Variants in GLDC observed in about 807,000 individuals in gnomAD.
GLDC encodes glycine dehydrogenase (decarboxylating), mitochondrial.
In GLDC, 104 loss-of-function variants were observed where a neutral mutation model predicts 121.3. The observed-to-expected ratio is 0.86, with a 90% CI of 0.73 to 1.01. GLDC has a LOEUF of 1.01. Ranked by LOEUF, GLDC falls within the 50% of genes least tolerant of loss-of-function variation. GLDC has a pLI of 0.00. For missense variants in GLDC, 1,429 were observed against 1,306.6 expected, an observed-to-expected ratio of 1.09 and a Z score of -1.44; for synonymous variants, 546 against 480.6, an observed-to-expected ratio of 1.14 and a Z score of -1.78.
Position 6,639,303 on chromosome 9 carries a change from C to A in GLDC, c.334+5311G>T. 9.7e-6 allele frequency: 9 copies of A among 926,968 alleles called. No individual in the cohort carries two copies. In the South Asian group the frequency reaches 1.2e-4, roughly 12 times the overall value. 57.4% of individuals were successfully genotyped at this position (926,968 alleles called of 1,614,324 possible). On this transcript the variant is annotated intron_variant, in intron 2 of 24. Transcript: ENST00000321612. ...TCCGGCGGTCCAAGACCCTGCGACT[C>A]CAGAGACAGCCCAAATATCCTCGGA...
At chr9:6,632,736 C>G (rs1418007053) in intron 2 of GLDC, among the ~76,000 whole-genome samples, 1 of 152,212 alleles carries the variant, frequency 6.6e-6, no homozygotes, top group East Asian at 1.9e-4. Context: ...AGCTTGCAGG[C>G]AGAATGTGGG....
chr9:6,604,439 C>T, intron 7 of GLDC, 149 bp downstream of exon 7: 2 of 788,094 alleles, frequency 2.5e-6, no homozygotes, highest in Non-Finnish European at 2.1e-6. Flanking sequence ...ATATCCCAAA[C>T]AGAATTGTTC....
At chr9:6,549,482 T>G (rs1817465016) in intron 21 of GLDC, among the ~76,000 whole-genome samples, 1 of 152,172 alleles carries the variant, frequency 6.6e-6, no homozygotes, top group Non-Finnish European at 1.5e-5. Context: ...GTTCTAAAGC[T>G]GCCTCAGGTG....
chr9:6,555,297 G>A (rs1238021079), intron 18 of GLDC, among the ~76,000 whole-genome samples: 1 of 152,176 alleles, frequency 6.6e-6, no homozygotes, highest in African/African-American at 2.4e-5. Context: ...CAGTCTTCCC[G>A]AGATGACCCA....
rs121964974 is a variant in GLDC, at chr9:6,588,417, C to A, written c.1691G>T (p.Ser564Ile). 7.4e-5 allele frequency: 120 copies of A among 1,612,136 alleles called. No individual in the cohort carries two copies. The highest frequency in any genetic ancestry group is 8.5e-7 in the Non-Finnish European group (1 of 1,178,278). The change falls in exon 14 of 25, where the codon AGT becomes ATT. Residue 564 changes from serine (S) to isoleucine (I), a missense_variant. Ser to Ile is a moderately radical substitution (Grantham distance 142). Coordinates refer to ENST00000321612, the MANE Select transcript of GLDC (RefSeq NM_000170.3). ...GCTACTTACTGCGAGTTCAGACGAA[C>A]TGTTCAGTTTCATGGTGCAGGATCC... Reference protein sequence around the residue: ...PLGSCTMKLNSSSELAPITWK... With the variant: ...PLGSCTMKLNISSELAPITWK...
In GLDC at chr9:6,565,487, T is replaced by C. The variant is rs555348039; in HGVS notation, c.1851-58A>G. ...AGGTCTTCTGGCTTTCATTTACTCA[T>C]TCAATATTTATTGGGCCCTGGCCAG... On this transcript the variant is annotated intron_variant, in intron 15 of 24. Transcript: ENST00000321612. The C allele has an allele frequency of 1.2e-4, 157 of 1,340,830 alleles. 1 individual carries two copies. The highest frequency in any genetic ancestry group is 1.1e-3 in the South Asian group (98 of 85,772). 83.1% of individuals were successfully genotyped at this position (1,340,830 alleles called of 1,614,324 possible). A position where few individuals can be genotyped will look rare whatever the true frequency, so the allele number is the denominator to read the frequency against.
intron 2 of GLDC, among the ~76,000 whole-genome samples, chr9:6,630,735 A>G (rs1262063333): frequency 6.6e-6 from 1 of 152,194 alleles, no homozygotes; most frequent in Non-Finnish European, 1.5e-5. Context: ...TAAACAGACC[A>G]TGAATGACAG....
chr9:6,629,929 CTA>C (rs771840710), intron 2 of GLDC, among the ~76,000 whole-genome samples: 150 of 101,852 alleles, frequency 1.5e-3, no homozygotes, highest in African/African-American at 3.5e-3. Flanking sequence ...TTGCTTTTCA[CTA>C]TATATATATA....
intron 22 of GLDC, among the ~76,000 whole-genome samples, chr9:6,537,068 T>C (rs1817143206): frequency 1.3e-5 from 2 of 151,130 alleles, no homozygotes; most frequent in Non-Finnish European, 2.9e-5. Flanking sequence ...TCTTGCTGTA[T>C]CGCTCAGGTT....
At chr9:6,546,832 A>G (rs962924297) in intron 21 of GLDC, among the ~76,000 whole-genome samples, 1 of 151,858 alleles carries the variant, frequency 6.6e-6, no homozygotes, top group Non-Finnish European at 1.5e-5. Context: ...CGTGGTGATG[A>G]ACACCTGTAG....
At chr9:6,565,698 G>T (rs759071982) in intron 15 of GLDC, 2 of 591,574 alleles carry the variant, frequency 3.4e-6, no homozygotes, top group Non-Finnish European at 6.0e-6. Flanking sequence ...TCAGGACCAC[G>T]CATTGAAAAT....
In GLDC at chr9:6,533,030, C is replaced by T. The variant is rs1294726700; in HGVS notation, c.3050G>A (p.Arg1017Lys). Residue 1017 changes from arginine to lysine, a missense_variant, in exon 25 of 25, where the codon AGG (arginine) becomes AAG (lysine). Coordinates refer to ENST00000321612, the MANE Select transcript of GLDC (RefSeq NM_000170.3). ...VYESPFSEQK[R>K]ASS Reference sequence around the variant, plus strand: ...AGGGACAGAGGACTAAGAAGACGCCCTCTTTTGTTCAGAAAATGGAGACTC... The same window carrying T: ...AGGGACAGAGGACTAAGAAGACGCCTTCTTTTGTTCAGAAAATGGAGACTC... The T allele has an allele frequency of 1.9e-6, 3 of 1,611,444 alleles. No individual in the cohort carries two copies. Among genetic ancestry groups the T allele is most frequent in the Admixed American group, 3.3e-5 (2 of 60,008 alleles).
chr9:6,582,706 G>A (rs887926544), intron 15 of GLDC, among the ~76,000 whole-genome samples: 1 of 151,942 alleles, frequency 6.6e-6, no homozygotes, highest in African/African-American at 2.4e-5. Flanking sequence ...GCATGCGCCT[G>A]TAGTCCCAGC....
chr9:6,622,031 C>T (rs1052982473), intron 2 of GLDC, among the ~76,000 whole-genome samples: 14 of 152,044 alleles, frequency 9.2e-5, no homozygotes, highest in African/African-American at 3.4e-4. Flanking sequence ...TAAAGCAAAA[C>T]CTAAGACAGC....
At chr9:6,582,200 G>C (rs1450750427) in intron 15 of GLDC, among the ~76,000 whole-genome samples, 3 of 107,212 alleles carry the variant, frequency 2.8e-5, no homozygotes, top group African/African-American at 1.1e-4. Flanking sequence ...GGGCGACAGA[G>C]CAAGACTTCG....
rs894195169 is a variant in GLDC, at chr9:6,535,842, C to T, written c.2838+222G>A. The T allele has an allele frequency of 9.7e-5, 55 of 567,736 alleles. No homozygotes were observed. In the African/African-American group the frequency reaches 1.0e-3, roughly 10 times the overall value. 35.2% of individuals were successfully genotyped at this position (567,736 alleles called of 1,614,324 possible). On this transcript the variant is annotated intron_variant, in intron 23 of 24. Coordinates refer to ENST00000321612, the MANE Select transcript of GLDC (RefSeq NM_000170.3). ...GAATGTTACAAATTCTCCAACTAGA[C>T]AGCTGTGGACAGCTTCCACAACCAC...
Position 6,589,125 on chromosome 9 carries a change from C to T in GLDC, c.1580+70G>A. The stretch of plus-strand genomic sequence containing the variant: ...AGGCCACAGCAGGCGAAATCAGCAG[C>T]AGCACTCTGCCTAACTCCCTAGCTG... On this transcript the variant is annotated intron_variant, in intron 12 of 24. Coordinates refer to ENST00000321612, the MANE Select transcript of GLDC (RefSeq NM_000170.3). 6.4e-6 allele frequency: 6 copies of T among 939,390 alleles called. No homozygotes were observed. In the South Asian group the frequency reaches 7.7e-5, roughly 12 times the overall value. The allele number at this position is 939,390 out of a possible 1,614,324, so 58.2% of individuals were successfully genotyped here.
intron 15 of GLDC, among the ~76,000 whole-genome samples, chr9:6,582,194 G>A (rs1479704151): frequency 4.2e-5 from 5 of 118,676 alleles, no homozygotes; most frequent in South Asian, 3.0e-4. Context: ...CAACTTGGGC[G>A]ACAGAGCAAG....
In GLDC at chr9:6,587,454, G is replaced by A. The variant is rs7021684; in HGVS notation, c.1708-171C>T. Reference sequence around the variant, plus strand: ...ACCACAACCTTATAAGGTAAGTACCGTTACTGTCTTCATTTAAAAGTGGGA... The same window carrying A: ...ACCACAACCTTATAAGGTAAGTACCATTACTGTCTTCATTTAAAAGTGGGA... On this transcript the variant is annotated intron_variant, in intron 14 of 24. Transcript: ENST00000321612. Among the ~76,000 whole-genome samples the A allele has an allele frequency of 0.51, 77,812 of 151,970 alleles. 20,343 individuals are homozygous for A. The highest frequency in any genetic ancestry group is 0.56 in the Middle Eastern group (166 of 294).
Sources: allele counts gnomAD v4.1 joint callset (sites outside exome capture counted in the v4.1 genomes callset), GRCh38; gene constraint gnomAD v4.1.1; transcripts MANE v1.5; gene names NCBI Gene and HGNC (gene_info 2026-07-23, HGNC 2026-07-21).